The following NDUFS4 variants were observed in gnomAD, a reference collection of about 807,000 sequenced individuals.
NDUFS4 encodes NADH:ubiquinone oxidoreductase subunit S4.
Under a neutral mutation model 24.3 loss-of-function variants are expected in NDUFS4, and 28 were observed. That is an observed-to-expected ratio of 1.15 (90% CI 0.85 to 1.58). The LOEUF (loss-of-function observed/expected upper bound fraction) is 1.58. Among genes scored for constraint, NDUFS4 ranks in the 40% most tolerant of loss-of-function variants. NDUFS4 has a pLI of 0.00. For missense variants in NDUFS4, 223 were observed against 207.9 expected, an observed-to-expected ratio of 1.07 and a Z score of -0.45; for synonymous variants, 93 against 69.7, an observed-to-expected ratio of 1.34 and a Z score of -1.67.
rs541677654 is a variant in NDUFS4, at chr5:53,604,812, T to G, written c.177+1282T>G. Reference sequence around the variant, plus strand: ...ACTCTTTTTCCTGCTTCAAGGCATTTGGAGTTCCTGTTCACTCTACCTGGA... The same window carrying G: ...ACTCTTTTTCCTGCTTCAAGGCATTGGGAGTTCCTGTTCACTCTACCTGGA... On this transcript the variant is annotated intron_variant, in intron 2 of 4. Transcript: ENST00000296684. 1.3e-5 allele frequency: 6 copies of G among 456,308 alleles called. No homozygotes were observed. In the East Asian group the frequency reaches 4.2e-4, roughly 32 times the overall value. 28.3% of individuals were successfully genotyped at this position (456,308 alleles called of 1,614,324 possible). A position where few individuals can be genotyped will look rare whatever the true frequency, so the allele number is the denominator to read the frequency against.
chr5:53,566,992 G>A (rs1273633996), intron 1 of NDUFS4, among the ~76,000 whole-genome samples: 1 of 151,860 alleles, frequency 6.6e-6, no homozygotes, highest in Admixed American at 6.6e-5. Flanking sequence ...GGGATTACAG[G>A]CGCGCACCAC....
At chr5:53,576,347 A>C (rs192572622) in intron 1 of NDUFS4, among the ~76,000 whole-genome samples, 2 of 152,292 alleles carry the variant, frequency 1.3e-5, no homozygotes, top group South Asian at 2.1e-4. Flanking sequence ...TTACCAAGCA[A>C]TGGAAAGGGT....
intron 2 of NDUFS4, among the ~76,000 whole-genome samples, chr5:53,639,936 A>G (rs1751664539): frequency 6.6e-6 from 1 of 152,144 alleles, no homozygotes; most frequent in African/African-American, 2.4e-5. Context: ...GAGTTTTATA[A>G]CATATTTGCC....
At chr5:53,587,151 A>G (rs1749786162) in intron 1 of NDUFS4, among the ~76,000 whole-genome samples, 1 of 152,026 alleles carries the variant, frequency 6.6e-6, no homozygotes, top group Non-Finnish European at 1.5e-5. Flanking sequence ...AATAAATTCT[A>G]AGAGTCTCCT....
chr5:53,576,918 G>C (rs1393151609), intron 1 of NDUFS4, among the ~76,000 whole-genome samples: 1 of 152,112 alleles, frequency 6.6e-6, no homozygotes, highest in Non-Finnish European at 1.5e-5. Context: ...CTACAGACTT[G>C]AGTAGGATGT....
intron 2 of NDUFS4, among the ~76,000 whole-genome samples, chr5:53,628,023 A>T (rs1336351924): frequency 6.6e-6 from 1 of 152,312 alleles, no homozygotes; most frequent in Middle Eastern, 3.4e-3. Flanking sequence ...TAGGTTTGTC[A>T]TAAATAGCTC....
intron 2 of NDUFS4, among the ~76,000 whole-genome samples, chr5:53,645,284 A>C (rs1338285255): frequency 6.6e-6 from 1 of 152,120 alleles, no homozygotes; most frequent in Non-Finnish European, 1.5e-5. Context: ...GATTTAACCC[A>C]TTTATGTCTG....
intron 2 of NDUFS4, among the ~76,000 whole-genome samples, chr5:53,607,835 G>C (rs1750574906): frequency 6.6e-6 from 1 of 152,148 alleles, no homozygotes; most frequent in African/African-American, 2.4e-5. Flanking sequence ...GAATTCAGCT[G>C]TCCTCCATTA....
intron 1 of NDUFS4, among the ~76,000 whole-genome samples, chr5:53,594,351 G>A (rs1365615210): frequency 6.6e-6 from 1 of 152,060 alleles, no homozygotes; most frequent in African/African-American, 2.4e-5. Context: ...TTTAGCTGTG[G>A]AAGCAAGATT....
At chr5:53,582,495 C>T (rs940964296) in intron 1 of NDUFS4, among the ~76,000 whole-genome samples, 1 of 152,114 alleles carries the variant, frequency 6.6e-6, no homozygotes, top group African/African-American at 2.4e-5. Flanking sequence ...GTACATCCTT[C>T]GGATGTGGGA....
At chr5:53,630,384 T>A (rs569639074) in intron 2 of NDUFS4, among the ~76,000 whole-genome samples, 5 of 152,174 alleles carry the variant, frequency 3.3e-5, no homozygotes, top group African/African-American at 1.2e-4. Flanking sequence ...GAGGAGTCTC[T>A]TTGTGGTGTT....
chr5:53,561,184 A>G (rs1748832853), intron 1 of NDUFS4, among the ~76,000 whole-genome samples: 1 of 152,112 alleles, frequency 6.6e-6, no homozygotes, highest in Non-Finnish European at 1.5e-5. Context: ...TATCCCTTCC[A>G]TGGTTTTAAG....
chr5:53,630,493 C>T (rs1751379929), intron 2 of NDUFS4, among the ~76,000 whole-genome samples: 3 of 152,124 alleles, frequency 2.0e-5, no homozygotes, highest in Non-Finnish European at 1.5e-5. Flanking sequence ...TGTTTCCATT[C>T]TCCCTATCAC....
intron 1 of NDUFS4, among the ~76,000 whole-genome samples, chr5:53,584,418 C>T (rs773469090): frequency 3.3e-5 from 5 of 151,924 alleles, no homozygotes; most frequent in Non-Finnish European, 7.4e-5. Context: ...TGCAATGGCG[C>T]GATCTCAGCT....
chr5:53,654,364 C>T (rs1752102691), intron 3 of NDUFS4, among the ~76,000 whole-genome samples: 1 of 151,934 alleles, frequency 6.6e-6, no homozygotes, highest in African/African-American at 2.4e-5. Flanking sequence ...TTTTTGCATC[C>T]ACCCAATCTG....
At chr5:53,609,512 G>T (rs543045404) in intron 2 of NDUFS4, among the ~76,000 whole-genome samples, 1 of 152,328 alleles carries the variant, frequency 6.6e-6, no homozygotes, top group South Asian at 2.1e-4. Context: ...AGGCAGAAGA[G>T]ATTTAGCATA....
At chr5:53,641,078 T>C (rs1445306668) in intron 2 of NDUFS4, among the ~76,000 whole-genome samples, 5 of 152,172 alleles carry the variant, frequency 3.3e-5, no homozygotes, top group Non-Finnish European at 7.4e-5. Context: ...GTGTCTAATA[T>C]GTAGTAAGTG....
intron 4 of NDUFS4, among the ~76,000 whole-genome samples, chr5:53,674,210 T>TAAAG (rs1740380473): frequency 1.3e-5 from 2 of 152,200 alleles, no homozygotes; most frequent in Non-Finnish European, 2.9e-5. Context: ...TATGACTGGA[T>TAAAG]AAAGAAGGTA....
intron 2 of NDUFS4, among the ~76,000 whole-genome samples, chr5:53,616,842 G>T (rs1403905821): frequency 6.6e-6 from 1 of 152,174 alleles, no homozygotes; most frequent in Non-Finnish European, 1.5e-5. Context: ...GAAGCTCAAA[G>T]GAAATGGTTA....
Sources: gnomAD v4.1 joint callset for allele counts (sites outside exome capture counted in the v4.1 genomes callset) on GRCh38, gnomAD v4.1.1 for gene constraint, MANE v1.5 for transcripts, NCBI Gene and HGNC (gene_info 2026-07-23, HGNC 2026-07-21) for gene names.